Variants in BCKDHB observed in about 807,000 individuals in gnomAD.
BCKDHB encodes branched chain keto acid dehydrogenase E1 subunit beta.
BCKDHB carries 41 observed loss-of-function variants against 48.5 expected under a neutral mutation model. The observed-to-expected ratio is 0.85, with a 90% confidence interval of 0.66 to 1.10. The LOEUF is 1.10. Ranked by LOEUF, BCKDHB falls within the 50% of genes least tolerant of loss-of-function variation. BCKDHB has a pLI of 0.00. For missense variants in BCKDHB, 496 were observed against 494.2 expected (o/e 1.00, Z -0.03); for synonymous variants, 201 against 174.8 (o/e 1.15, Z -1.18).
intron 8 of BCKDHB, among the ~76,000 whole-genome samples, chr6:80,243,320 CAG>C (rs1776468345): frequency 1.3e-5 from 2 of 152,134 alleles, no homozygotes; most frequent in South Asian, 2.1e-4. Context: ...GAGTCCCAAT[CAG>C]GGGGAAGAGG....
At chr6:80,161,625 C>T (rs1217150804) in intron 3 of BCKDHB, among the ~76,000 whole-genome samples, 1 of 152,188 alleles carries the variant, frequency 6.6e-6, no homozygotes, top group African/African-American at 2.4e-5. Context: ...GGCTCACTGT[C>T]ACTCTCTCCA....
the BCKDHB span, among the ~76,000 whole-genome samples, chr6:80,420,680 G>T: frequency 6.6e-6 from 1 of 152,160 alleles, no homozygotes; most frequent in Non-Finnish European, 1.5e-5. Flanking sequence ...ATGGCCAGCT[G>T]TTGAGCATTG....
chr6:80,158,064 T>C (rs1407580268), intron 3 of BCKDHB, among the ~76,000 whole-genome samples: 1 of 152,178 alleles, frequency 6.6e-6, no homozygotes, highest in East Asian at 1.9e-4. Context: ...GTAGGCACTA[T>C]TGGACTACTG....
intron 9 of BCKDHB, among the ~76,000 whole-genome samples, chr6:80,335,455 T>C (rs61477549): frequency 0.019 from 2,934 of 152,142 alleles, 84 homozygotes; most frequent in African/African-American, 0.067. Flanking sequence ...CAGTGCTTTC[T>C]TCTATAGGAA....
the BCKDHB span, among the ~76,000 whole-genome samples, chr6:80,448,478 G>T: frequency 6.6e-6 from 1 of 152,152 alleles, no homozygotes; most frequent in African/African-American, 2.4e-5. Context: ...AGCTAACGGT[G>T]GTTGGGGCCA....
At chr6:80,389,105 G>A in the BCKDHB span, among the ~76,000 whole-genome samples, 2 of 152,234 alleles carry the variant, frequency 1.3e-5, no homozygotes, top group Admixed American at 1.3e-4. Context: ...TGTATCCCAT[G>A]TGAGTGCTCA....
intron 1 of BCKDHB, among the ~76,000 whole-genome samples, chr6:80,117,855 A>C (rs1769788319): frequency 6.6e-6 from 1 of 152,172 alleles, no homozygotes; most frequent in Non-Finnish European, 1.5e-5. Flanking sequence ...GAAGGCTGTG[A>C]GACCCCTGAT....
At chr6:80,456,227 G>GAA in the BCKDHB span, among the ~76,000 whole-genome samples, 11 of 138,538 alleles carry the variant, frequency 7.9e-5, no homozygotes, top group Non-Finnish European at 1.4e-4. Context: ...AAAAAAGAAA[G>GAA]AAAGAAAAAA....
intron 8 of BCKDHB, among the ~76,000 whole-genome samples, chr6:80,229,990 C>T (rs1176143254): frequency 1.4e-5 from 2 of 145,474 alleles, no homozygotes; most frequent in East Asian, 4.1e-4. Flanking sequence ...CCATTTAATA[C>T]AACCCCAATT....
chr6:80,152,107 G>T (rs1373326403), intron 3 of BCKDHB, among the ~76,000 whole-genome samples: 1 of 151,758 alleles, frequency 6.6e-6, no homozygotes, highest in Non-Finnish European at 1.5e-5. Context: ...AGCTTTGGTT[G>T]TATTCAAGCA....
chr6:80,173,530 C>G (rs1271878517), intron 6 of BCKDHB, among the ~76,000 whole-genome samples: 1 of 152,080 alleles, frequency 6.6e-6, no homozygotes, highest in Non-Finnish European at 1.5e-5. Context: ...TGAAAATTGT[C>G]AGTTTTTATC....
intron 7 of BCKDHB, among the ~76,000 whole-genome samples, chr6:80,202,155 T>A (rs543119857): frequency 1.3e-5 from 2 of 152,284 alleles, no homozygotes; most frequent in Admixed American, 1.3e-4. Context: ...TTAATTCAGA[T>A]AACTTGCTCT....
At chr6:80,393,112 C>T in the BCKDHB span, among the ~76,000 whole-genome samples, 1 of 152,068 alleles carries the variant, frequency 6.6e-6, no homozygotes, top group South Asian at 2.1e-4. Context: ...AGAGTTCCCT[C>T]ATGAGCTATG....
At chr6:80,397,514 C>T in the BCKDHB span, among the ~76,000 whole-genome samples, 1 of 152,132 alleles carries the variant, frequency 6.6e-6, no homozygotes, top group Admixed American at 6.6e-5. Context: ...TGTGTCTATT[C>T]ATTTCTGTCA....
At chr6:80,291,299 T>C (rs6906534) in intron 9 of BCKDHB, among the ~76,000 whole-genome samples, 121,411 of 152,090 alleles carry the variant, frequency 0.8, 48,641 homozygotes, top group Admixed American at 0.87. Context: ...GACATTCCTC[T>C]CTAATTGTCA....
At chr6:80,282,880 C>T (rs1284106357) in intron 9 of BCKDHB, among the ~76,000 whole-genome samples, 1 of 151,896 alleles carries the variant, frequency 6.6e-6, no homozygotes, top group African/African-American at 2.4e-5. Context: ...TTTAAATCTT[C>T]CTAGTTGTTT....
chr6:80,129,064 TG>T (rs1770491004), intron 2 of BCKDHB, 96 bp from the exon 3 acceptor site: 2 of 950,098 alleles, frequency 2.1e-6, no homozygotes, highest in African/African-American at 3.3e-5. Context: ...TTATCTTTTG[TG>T]ATTTAAAATG....
the BCKDHB span, among the ~76,000 whole-genome samples, chr6:80,441,637 A>T: frequency 2.0e-5 from 3 of 152,134 alleles, no homozygotes; most frequent in African/African-American, 7.2e-5. Context: ...CTGGTTCCTC[A>T]GTGCTTTTTT....
chr6:80,399,399 G>C, the BCKDHB span, among the ~76,000 whole-genome samples: 1 of 152,084 alleles, frequency 6.6e-6, no homozygotes, highest in Non-Finnish European at 1.5e-5. Flanking sequence ...AACTTCAGCA[G>C]TTTCAGGATA....
Sources: allele counts gnomAD v4.1 joint callset (sites outside exome capture counted in the v4.1 genomes callset), GRCh38; gene constraint gnomAD v4.1.1; transcripts MANE v1.5; gene names NCBI Gene and HGNC (gene_info 2026-07-23, HGNC 2026-07-21).